Variants in TTC28 observed in about 807,000 individuals in gnomAD.
TTC28 encodes the protein tetratricopeptide repeat protein 28.
A neutral mutation model predicts 198.0 loss-of-function variants in TTC28; 61 were observed. The observed-to-expected ratio is 0.31, with a 90% CI of 0.25 to 0.38. The LOEUF (loss-of-function observed/expected upper bound fraction) is 0.38, where lower values mean the gene tolerates loss of function less well. Ranked by LOEUF, TTC28 falls within the 10% of genes least tolerant of loss-of-function variation. The pLI, the probability that TTC28 is intolerant of heterozygous loss-of-function variation, is 1.00. For missense variants in TTC28, 2,678 were observed against 3,164.0 expected, an observed-to-expected ratio of 0.85 and a Z score of 3.69; for synonymous variants, 1,171 against 1,297.8, an observed-to-expected ratio of 0.90 and a Z score of 2.10.
intron 5 of TTC28, among the ~76,000 whole-genome samples, chr22:28,220,087 G>A (rs929556872): frequency 2.0e-5 from 3 of 152,150 alleles, no homozygotes; most frequent in African/African-American, 7.2e-5. Flanking sequence ...AGACAATTAA[G>A]GTGATGAACC....
At chr22:28,426,231 A>G (rs934253117) in intron 2 of TTC28, among the ~76,000 whole-genome samples, 2 of 147,238 alleles carry the variant, frequency 1.4e-5, no homozygotes, top group Non-Finnish European at 3.0e-5. Flanking sequence ...AAAAAAAAAA[A>G]GAAAGAAAGA....
intron 5 of TTC28, among the ~76,000 whole-genome samples, chr22:28,218,111 C>T (rs1349926630): frequency 6.6e-6 from 1 of 152,122 alleles, no homozygotes; most frequent in East Asian, 1.9e-4. Context: ...TTGACACGTG[C>T]TTTTTTAAGG....
Position 28,657,864 on chromosome 22 carries a change from C to T in TTC28, c.102+21758G>A, listed in dbSNP as rs551611235. On this transcript the variant is annotated intron_variant, in intron 1 of 22. Coordinates refer to ENST00000397906, the MANE Select transcript of TTC28 (RefSeq NM_001145418.2). ...ACTGCACTCGAACCTGGGCGGGCAA[C>T]AGAGCAACACTCCATCTAAAAAAAA... is the stretch of plus-strand genomic sequence containing the variant. 3.9e-4 allele frequency among the ~76,000 whole-genome samples: 59 copies of T among 151,794 alleles called. 1 individual carries two copies. The South Asian group carries it at 9.6e-3, about 25-fold the overall frequency.
intron 5 of TTC28, among the ~76,000 whole-genome samples, chr22:28,235,859 C>T (rs759227663): frequency 6.6e-6 from 1 of 152,232 alleles, no homozygotes; most frequent in African/African-American, 2.4e-5. Flanking sequence ...TAAGTTGGAA[C>T]TACAATTCCT....
At chr22:28,460,253 G>A (rs2047927838) in intron 2 of TTC28, among the ~76,000 whole-genome samples, 1 of 152,116 alleles carries the variant, frequency 6.6e-6, no homozygotes, top group African/African-American at 2.4e-5. Context: ...AAAGTCGTGG[G>A]TAAAGGTTGA....
At chr22:28,158,802 T>G (rs1158844455) in intron 6 of TTC28, among the ~76,000 whole-genome samples, 1 of 152,186 alleles carries the variant, frequency 6.6e-6, no homozygotes, top group African/African-American at 2.4e-5. Context: ...CTTCAAACTA[T>G]GAAAGTACTA....
chr22:28,094,965 C>A (rs141743044), intron 11 of TTC28, among the ~76,000 whole-genome samples: 1 of 152,022 alleles, frequency 6.6e-6, no homozygotes, highest in Non-Finnish European at 1.5e-5. Flanking sequence ...CAAAAAGGAA[C>A]GGAAAAAGAA....
chr22:28,292,498 T>C (rs1182376032), intron 5 of TTC28, among the ~76,000 whole-genome samples: 1 of 152,216 alleles, frequency 6.6e-6, no homozygotes, highest in Non-Finnish European at 1.5e-5. Flanking sequence ...AGTGCTGGGA[T>C]TATAGGCATG....
chr22:28,625,840 A>G (rs1385863359), intron 2 of TTC28, among the ~76,000 whole-genome samples: 2 of 152,204 alleles, frequency 1.3e-5, no homozygotes, highest in Non-Finnish European at 2.9e-5. Context: ...GCATTGAGAT[A>G]TATACACAGA....
chr22:28,351,136 C>T (rs959373014), intron 2 of TTC28, among the ~76,000 whole-genome samples: 2 of 151,774 alleles, frequency 1.3e-5, no homozygotes, highest in African/African-American at 2.4e-5. Flanking sequence ...GAGCCGAGAT[C>T]GTGCCACTGC....
intron 2 of TTC28, among the ~76,000 whole-genome samples, chr22:28,393,319 A>G (rs2046764486): frequency 6.6e-6 from 1 of 152,178 alleles, no homozygotes; most frequent in East Asian, 1.9e-4. Context: ...TCAATAGCAT[A>G]TAGATATTGT....
intron 1 of TTC28, among the ~76,000 whole-genome samples, chr22:28,662,781 T>G (rs901826945): frequency 3.9e-5 from 6 of 152,194 alleles, no homozygotes; most frequent in African/African-American, 1.4e-4. Context: ...TTGTGAATAT[T>G]AGGAAGCAAT....
At chr22:28,185,429 T>C (rs1207987046) in intron 5 of TTC28, among the ~76,000 whole-genome samples, 2 of 152,200 alleles carry the variant, frequency 1.3e-5, no homozygotes, top group African/African-American at 2.4e-5. Context: ...ATAATTGTAA[T>C]GGTATCCAAA....
At chr22:28,049,714 A>G (rs1468118117) in intron 12 of TTC28, among the ~76,000 whole-genome samples, 1 of 152,128 alleles carries the variant, frequency 6.6e-6, no homozygotes, top group African/African-American at 2.4e-5. Context: ...TGGGGTGTCT[A>G]CAGTGTGGTA....
chr22:28,662,477 T>C (rs1352922153), intron 1 of TTC28, among the ~76,000 whole-genome samples: 1 of 152,220 alleles, frequency 6.6e-6, no homozygotes, highest in East Asian at 1.9e-4. Context: ...TTGTCTCATA[T>C]GTAAGATGGG....
chr22:28,539,969 G>A (rs2049377149), intron 2 of TTC28, among the ~76,000 whole-genome samples: 1 of 136,852 alleles, frequency 7.3e-6, no homozygotes, highest in African/African-American at 2.8e-5. Context: ...TTCTGAGACA[G>A]GGTCTCACTC....
intron 5 of TTC28, among the ~76,000 whole-genome samples, chr22:28,289,087 G>A (rs2044739952): frequency 6.6e-6 from 1 of 152,170 alleles, no homozygotes; most frequent in Non-Finnish European, 1.5e-5. Context: ...AAAGAGATGG[G>A]AGGAGGCAGG....
At chr22:28,500,319 C>A (rs695529) in intron 2 of TTC28, among the ~76,000 whole-genome samples, 1,605 of 152,226 alleles carry the variant, frequency 0.011, 35 homozygotes, top group East Asian at 0.083. Context: ...TCACCTAGAA[C>A]GCTGTTTACA....
intron 2 of TTC28, among the ~76,000 whole-genome samples, chr22:28,344,538 A>G (rs1422034884): frequency 6.6e-6 from 1 of 152,196 alleles, no homozygotes. Flanking sequence ...AAAGAAATAT[A>G]ATTGAAAATA....
Sources: allele counts gnomAD v4.1 joint callset (sites outside exome capture counted in the v4.1 genomes callset), GRCh38; gene constraint gnomAD v4.1.1; transcripts MANE v1.5; gene names NCBI Gene and HGNC (gene_info 2026-07-23, HGNC 2026-07-21).